The following MYO10 variants were observed in gnomAD, a reference collection of about 807,000 sequenced individuals.
The protein encoded by MYO10 is myosin X.
MYO10 carries 133 observed loss-of-function variants against 257.3 expected under a neutral mutation model. The observed-to-expected ratio is 0.52, with a 90% confidence interval of 0.45 to 0.60. The LOEUF is 0.60. Ranked by LOEUF, MYO10 falls within the 20% of genes least tolerant of loss-of-function variation. The pLI, the probability that MYO10 is intolerant of heterozygous loss-of-function variation, is 0.00. For missense variants in MYO10, 2,399 were observed against 2,635.7 expected, an observed-to-expected ratio of 0.91 and a Z score of 1.97; for synonymous variants, 1,104 against 1,028.6, an observed-to-expected ratio of 1.07 and a Z score of -1.40.
intron 1 of MYO10, among the ~76,000 whole-genome samples, chr5:16,882,755 G>A (rs890234103): frequency 6.6e-6 from 1 of 152,022 alleles, no homozygotes; most frequent in African/African-American, 2.4e-5. Context: ...GGTGCGGGAG[G>A]GACAGTGACT....
intron 2 of MYO10, among the ~76,000 whole-genome samples, chr5:16,852,394 G>A (rs1743836046): frequency 6.6e-6 from 1 of 152,112 alleles, no homozygotes; most frequent in Non-Finnish European, 1.5e-5. Context: ...TCAGTCATCA[G>A]TTAGGGTCTT....
rs1215458216 is a variant in MYO10 at position 16,820,932 on chromosome 5, CTTATATA to C, written c.121-2772_121-2766del. On this transcript the variant is annotated intron_variant, in intron 2 of 40. Transcript: ENST00000513610. ...TATGTATTTTACATATATAAAACAT[CTTATATA>C]TTATATATTATACATCTATACATAT... 6.8e-5 allele frequency among the ~76,000 whole-genome samples: 10 copies of C among 146,912 alleles called. No individual in the cohort carries two copies. The South Asian group carries it at 1.1e-3, about 16-fold the overall frequency.
At chr5:16,707,155 C>T (rs1005204004) in intron 21 of MYO10, among the ~76,000 whole-genome samples, 2 of 152,136 alleles carry the variant, frequency 1.3e-5, no homozygotes, top group African/African-American at 4.8e-5. Context: ...CTTTACTCTT[C>T]CTTCATCTTC....
intron 1 of MYO10, among the ~76,000 whole-genome samples, chr5:16,914,566 T>C (rs1233929800): frequency 6.6e-6 from 1 of 152,262 alleles, no homozygotes; most frequent in Non-Finnish European, 1.5e-5. Context: ...TTTTGCCTAT[T>C]TGTAAATACT....
rs556926543 is a variant in MYO10 at position 16,867,685 on chromosome 5, A to C, written c.120+9924T>G. 1.8e-4 allele frequency among the ~76,000 whole-genome samples: 27 copies of C among 152,344 alleles called. 1 individual carries two copies. In the South Asian group the frequency reaches 5.6e-3, roughly 32 times the overall value. Reference sequence around the variant, plus strand: ...TTAAGTGGGAGCTGCGATTGCTTTAAGTGGGAGCTGTGATTATAAATAATT... The same window carrying C: ...TTAAGTGGGAGCTGCGATTGCTTTACGTGGGAGCTGTGATTATAAATAATT... On this transcript the variant is annotated intron_variant, in intron 2 of 40. Transcript: ENST00000513610.
chr5:16,823,446 C>CGGGGGGGG (rs1171973848), intron 2 of MYO10, among the ~76,000 whole-genome samples: 77 of 4,180 alleles, frequency 0.018, 24 homozygotes, highest in Admixed American at 0.032. Flanking sequence ...CTCCATCTTG[C>CGGGGGGGG]GCGGGGGGGG....
At chr5:16,706,069 G>A (rs562123714) in intron 21 of MYO10, among the ~76,000 whole-genome samples, 5 of 152,172 alleles carry the variant, frequency 3.3e-5, no homozygotes, top group Non-Finnish European at 4.4e-5. Context: ...TGTAATCCCA[G>A]ATACTTGGGA....
chr5:16,742,826 A>G (rs1277577682), intron 19 of MYO10, among the ~76,000 whole-genome samples: 1 of 148,292 alleles, frequency 6.7e-6, no homozygotes, highest in African/African-American at 2.6e-5. Context: ...AAAAAAAAAT[A>G]CATACATAAA....
At chr5:16,821,002 T>C (rs1205887254) in intron 2 of MYO10, among the ~76,000 whole-genome samples, 2 of 147,634 alleles carry the variant, frequency 1.4e-5, no homozygotes, top group African/African-American at 4.9e-5. Context: ...TCTTATATCT[T>C]AAGATACCTT....
At chr5:16,895,763 C>CAT (rs1390189168) in intron 1 of MYO10, among the ~76,000 whole-genome samples, 1 of 68,780 alleles carries the variant, frequency 1.5e-5, no homozygotes, top group East Asian at 3.0e-4. Context: ...AACACACACA[C>CAT]ACACACACAC....
chr5:16,895,753 AACACACACACACACAC>A (rs57628919), intron 1 of MYO10, among the ~76,000 whole-genome samples: 5,416 of 131,658 alleles, frequency 0.041, 133 homozygotes, highest in Middle Eastern at 0.09. Context: ...CCAACACCAC[AACACACACACACACAC>A]ACACACACAC....
chr5:16,685,799 G>A lies in MYO10; in HGVS notation c.3929C>T (p.Ala1310Val), dbSNP rs766436169. 5.6e-6 allele frequency: 9 copies of A among 1,601,832 alleles called. No individual in the cohort carries two copies. The highest frequency in any genetic ancestry group is 1.6e-4 in the Middle Eastern group (1 of 6,068). Reference sequence around the variant, plus strand: ...CTCCTGGATCTCCTGGTCCGTGGACGCGTGGACCTGACTCAGCACGCTGAA... The same window carrying A: ...CTCCTGGATCTCCTGGTCCGTGGACACGTGGACCTGACTCAGCACGCTGAA... ...QWFSVLSQVH[A>V]STDQEIQEMH... Residue 1310 changes from alanine (A) to valine (V), a missense_variant, in exon 29 of 41, where the codon GCG becomes GTG. Coordinates refer to ENST00000513610, the MANE Select transcript of MYO10 (RefSeq NM_012334.3).
chr5:16,832,515 T>A lies in MYO10; in HGVS notation c.121-14348A>T, dbSNP rs187680769. On this transcript the variant is annotated intron_variant, in intron 2 of 40. Transcript: ENST00000513610. Reference sequence around the variant, plus strand: ...TCTAACCCTCTGGTTTTAAACATAGTAAGTTTCAGTCTAGAGAAATTCAAG... The same window carrying A: ...TCTAACCCTCTGGTTTTAAACATAGAAAGTTTCAGTCTAGAGAAATTCAAG... Among the ~76,000 whole-genome samples, 196 of 152,294 alleles carry A rather than the reference T, an allele frequency of 1.3e-3. 1 individual carries two copies. The highest frequency in any genetic ancestry group is 4.5e-3 in the African/African-American group (188 of 41,572).
intron 6 of MYO10, 87 bp from the exon 7 acceptor site, chr5:16,780,828 G>T: frequency 7.6e-7 from 1 of 1,319,634 alleles, no homozygotes; most frequent in Middle Eastern, 2.6e-4. Flanking sequence ...ATTCTTTGGT[G>T]CTCAAATAAT....
intron 21 of MYO10, among the ~76,000 whole-genome samples, chr5:16,705,844 A>C (rs910142076): frequency 4.6e-5 from 7 of 152,056 alleles, no homozygotes; most frequent in Non-Finnish European, 8.8e-5. Context: ...TCTTCATACA[A>C]TCCTCTCCTT....
intron 2 of MYO10, among the ~76,000 whole-genome samples, chr5:16,828,441 A>C (rs1743064325): frequency 6.6e-6 from 1 of 151,536 alleles, no homozygotes; most frequent in Non-Finnish European, 1.5e-5. Context: ...TGAAACCACC[A>C]CCCCCCGTCT....
At chr5:16,915,470 C>T (rs1745788671) in intron 1 of MYO10, among the ~76,000 whole-genome samples, 1 of 152,206 alleles carries the variant, frequency 6.6e-6, no homozygotes, top group African/African-American at 2.4e-5. Context: ...ATCAGTCGTA[C>T]TTCCTTGGTG....
At chr5:16,813,971 G>A (rs1268114875) in intron 3 of MYO10, among the ~76,000 whole-genome samples, 2 of 152,262 alleles carry the variant, frequency 1.3e-5, no homozygotes, top group East Asian at 1.9e-4. Context: ...CAGTCAGCAA[G>A]AAAACAAGGA....
intron 9 of MYO10, among the ~76,000 whole-genome samples, chr5:16,773,593 T>C (rs1741119926): frequency 6.7e-6 from 1 of 149,734 alleles, no homozygotes; most frequent in South Asian, 2.1e-4. Flanking sequence ...TCCCAGGAGT[T>C]CAAGGGTGCA....
Sources: gnomAD v4.1 joint callset for allele counts (sites outside exome capture counted in the v4.1 genomes callset) on GRCh38, gnomAD v4.1.1 for gene constraint, MANE v1.5 for transcripts, NCBI Gene and HGNC (gene_info 2026-07-23, HGNC 2026-07-21) for gene names.